LAMA4: variants seen among roughly 807,000 people sequenced by gnomAD.
The protein encoded by LAMA4 is laminin subunit alpha 4.
Under a neutral mutation model 207.1 loss-of-function variants are expected in LAMA4, and 127 were observed. The observed-to-expected ratio is 0.61, with a 90% CI of 0.53 to 0.71. The LOEUF (loss-of-function observed/expected upper bound fraction) is 0.71, where lower values mean the gene tolerates loss of function less well. Among genes scored for constraint, LAMA4 ranks in the 30% least tolerant of loss-of-function variants. The pLI is 0.00. For synonymous variants in LAMA4, 761 were observed against 816.0 expected (o/e 0.93, Z 1.15); for missense variants, 2,093 against 2,246.5 (o/e 0.93, Z 1.38).
chr6:112,162,965 CTTTTTTTTTTTT>C (rs34824903), intron 13 of LAMA4, among the ~76,000 whole-genome samples: 1 of 91,248 alleles, frequency 1.1e-5, no homozygotes, highest in Non-Finnish European at 2.0e-5. Flanking sequence ...CAGCTCAAAT[CTTTTTTTTTTTT>C]TTTTTTTTTT....
Position 112,140,894 on chromosome 6 carries a change from T to C in LAMA4, c.2842A>G (p.Thr948Ala), listed in dbSNP as rs782030944. ...GCTGTGCTACTTAGACTCGGGACTG[T>C]TAAAAACACCTTTCCATGTTTTCCC... is the stretch of plus-strand genomic sequence containing the variant. ...RVGKHGKVFL[T>A]VPSLSSTAEE... The change falls in exon 22 of 39, where the codon ACA (threonine) becomes GCA (alanine). Residue 948 changes from threonine (T) to alanine (A), a missense_variant. By Grantham distance (58) the Thr-to-Ala change is moderately conservative. Transcript: ENST00000230538. 1.2e-6 allele frequency: 2 copies of C among 1,613,852 alleles called. No individual in the cohort carries two copies.
Position 112,172,670 on chromosome 6 carries a change from A to G in LAMA4, c.1492T>C (p.Tyr498His), listed in dbSNP as rs1050348. 1,007,193 of 1,613,178 alleles carry G rather than the reference A, an allele frequency of 0.62. 318,947 individuals carry two copies. Among genetic ancestry groups the G allele is most frequent in the East Asian group, 0.84 (37,797 of 44,850 alleles). The change falls in exon 12 of 39, where the codon TAT (tyrosine) becomes CAT (histidine). Residue 498 changes from tyrosine (Y) to histidine (H), a missense_variant. Tyr to His is a moderately conservative substitution (Grantham distance 83, BLOSUM62 2). Transcript: ENST00000230538. ...LQEALDQALN[Y>H]VRDAEDMNRA... The stretch of plus-strand genomic sequence containing the variant: ...TTCATGTCTTCGGCATCCCTGACAT[A>G]GTTAAGGGCCTGGTCAAGTGCTTCC...
intron 13 of LAMA4, among the ~76,000 whole-genome samples, chr6:112,162,838 C>A (rs1781136849): frequency 6.6e-6 from 1 of 151,912 alleles, no homozygotes; most frequent in African/African-American, 2.4e-5. Context: ...TTCTTTAAAG[C>A]CAAGGGAGTC....
chr6:112,146,822 G>A (rs1219746141), intron 18 of LAMA4, among the ~76,000 whole-genome samples: 1 of 152,040 alleles, frequency 6.6e-6, no homozygotes, highest in African/African-American at 2.4e-5. Flanking sequence ...TTAATACAGA[G>A]GTAAATATTT....
Position 112,116,001 on chromosome 6 carries a change from G to A in LAMA4, c.4982-8C>T, listed in dbSNP as rs2114564746. On this transcript the variant is annotated splice_region_variant and splice_polypyrimidine_tract_variant and intron_variant, in intron 35 of 38. Transcript: ENST00000230538. ...CAATATTGAAAGATTCATCTGTGGAGAGAAACACTATAAACTCCCAAGAAC... is the reference window on the plus strand; with the variant it reads ...CAATATTGAAAGATTCATCTGTGGAAAGAAACACTATAAACTCCCAAGAAC... 1 of 1,611,306 alleles carries A rather than the reference G, an allele frequency of 6.2e-7. No individual in the cohort carries two copies. Among genetic ancestry groups the A allele is most frequent in the Non-Finnish European group, 8.5e-7 (1 of 1,178,032 alleles).
At position 112,118,703 on chromosome 6, in the gene LAMA4, T is replaced by TTG. The variant is rs1157564735; in HGVS notation, c.4821+451_4821+452dup. Among the ~76,000 whole-genome samples the TTG allele has an allele frequency of 2.4e-3, 297 of 124,942 alleles. No individual in the cohort carries two copies. The highest frequency in any genetic ancestry group is 7.0e-3 in the African/African-American group (228 of 32,764). 82.0% of individuals were successfully genotyped at this position (124,942 alleles called of 152,430 possible). On this transcript the variant is annotated intron_variant, in intron 34 of 38. Coordinates refer to ENST00000230538, the MANE Select transcript of LAMA4 (RefSeq NM_001105206.3). The surrounding 1 kb of genome is among the most constrained non-coding windows in gnomAD (Gnocchi z 4.6). Reference sequence around the variant, plus strand: ...CCACATTTCCTTATACATTTACAAATTGTGTGTGTGTGTGTGTATGTGTGT... The same window carrying TTG: ...CCACATTTCCTTATACATTTACAAATTGTGTGTGTGTGTGTGTGTATGTGTGT...
Position 112,254,055 on chromosome 6 carries a change from A to T in LAMA4, c.96T>A (p.Phe32Leu). Residue 32 changes from phenylalanine (F) to leucine (L), a missense_variant, in exon 2 of 39, where the codon TTT (phenylalanine) becomes TTA (leucine). By Grantham distance (22) the Phe-to-Leu change is conservative. Around this residue, in one of 3 missense-constraint regions of LAMA4, gnomAD observed 1,704 missense variants for 1,788.4 expected, o/e 0.95. Coordinates refer to ENST00000230538, the MANE Select transcript of LAMA4 (RefSeq NM_001105206.3). Reference sequence around the variant, plus strand: ...CTGAGCTCCCTTCAATGTCAAAAGGAAAAGCGTTGTCGTCCCCGGACGCGG... The same window carrying T: ...CTGAGCTCCCTTCAATGTCAAAAGGTAAAGCGTTGTCGTCCCCGGACGCGG... ...SRAASGDDNAFPFDIEGSSAV... is the reference protein window; with the variant it reads ...SRAASGDDNALPFDIEGSSAV... 1 of 1,606,362 alleles carries T rather than the reference A, an allele frequency of 6.2e-7. No homozygotes were observed. The highest frequency in any genetic ancestry group is 8.5e-7 in the Non-Finnish European group (1 of 1,176,590).
intron 2 of LAMA4, chr6:112,219,647 T>A (rs1784816675): frequency 6.6e-6 from 1 of 152,176 alleles, no homozygotes; most frequent in Non-Finnish European, 1.5e-5. Flanking sequence ...CTGATCCAAA[T>A]CTTGTTCTTT....
chr6:112,182,785 C>A (rs1782445427), intron 9 of LAMA4, among the ~76,000 whole-genome samples: 1 of 152,124 alleles, frequency 6.6e-6, no homozygotes, highest in Non-Finnish European at 1.5e-5. Context: ...TGCTTGTAGC[C>A]CAGTGACACT....
At chr6:112,178,370 A>G in intron 9 of LAMA4, 138 bp from the exon 10 acceptor site, 1 of 689,760 alleles carries the variant, frequency 1.4e-6, no homozygotes, top group Non-Finnish European at 2.6e-6. Flanking sequence ...AACACATGAA[A>G]TCATCCCAAA....
chr6:112,203,645 C>A (rs1478040492), intron 4 of LAMA4, among the ~76,000 whole-genome samples: 2 of 151,822 alleles, frequency 1.3e-5, no homozygotes, highest in Admixed American at 6.5e-5. Flanking sequence ...TCCTTTTTTG[C>A]AGCCAGTTTC....
At chr6:112,228,181 C>A (rs1554363194) in intron 2 of LAMA4, among the ~76,000 whole-genome samples, 3 of 152,132 alleles carry the variant, frequency 2.0e-5, no homozygotes, top group African/African-American at 2.4e-5. Flanking sequence ...CAAGCTCAGG[C>A]CAAAGGTTGC....
At chr6:112,124,340 C>G (rs1778550457) in intron 31 of LAMA4, among the ~76,000 whole-genome samples, 1 of 152,212 alleles carries the variant, frequency 6.6e-6, no homozygotes, top group African/African-American at 2.4e-5. Flanking sequence ...CCTTGCCTTA[C>G]TCTGCTTCAG....
chr6:112,116,025 A>C lies in LAMA4; in HGVS notation c.4982-32T>G, dbSNP rs781930956. The C allele has an allele frequency of 5.6e-6, 9 of 1,596,894 alleles. No homozygotes were observed. The Admixed American group carries it at 1.5e-4, about 27-fold the overall frequency. ...AGAGAAACACTATAAACTCCCAAGA[A>C]CAGCAAGATCATATTTGTAACTATG... is the stretch of plus-strand genomic sequence containing the variant. On this transcript the variant is annotated intron_variant, in intron 35 of 38. Transcript: ENST00000230538.
At chr6:112,119,791 T>C (rs1376621661) in intron 33 of LAMA4, among the ~76,000 whole-genome samples, 4 of 152,220 alleles carry the variant, frequency 2.6e-5, no homozygotes, top group African/African-American at 9.6e-5. Context: ...GAACAGGCCA[T>C]ATGTTCTCTC....
intron 2 of LAMA4, among the ~76,000 whole-genome samples, chr6:112,245,214 A>T (rs1361230629): frequency 6.6e-6 from 1 of 152,188 alleles, no homozygotes; most frequent in Non-Finnish European, 1.5e-5. Flanking sequence ...TGAAGTTTGA[A>T]AGGCATCCTG....
chr6:112,117,758 T>C lies in LAMA4; in HGVS notation c.4962A>G (p.Glu1654=), dbSNP rs1554324442. 6.2e-7 allele frequency: 1 copy of C among 1,613,640 alleles called. No homozygotes were observed. The highest frequency in any genetic ancestry group is 1.1e-5 in the South Asian group (1 of 91,070). ...TGTTACCTAGAACCACGTATCCTCC[T>C]TCTGTTGAAAAGTAAGTTCCTGTTT... ...PMETGTYFST[E]GGYVVLDESF... The change falls in exon 35 of 39, where the codon GAA becomes GAG. Residue 1654 remains glutamate (E), a synonymous_variant. Coordinates refer to ENST00000230538, the MANE Select transcript of LAMA4 (RefSeq NM_001105206.3). This position sits in a 1 kb window ranked among gnomAD's most constrained non-coding sequence, Gnocchi z 4.5.
chr6:112,130,622 C>G (rs1269229253), intron 29 of LAMA4, among the ~76,000 whole-genome samples: 4 of 152,058 alleles, frequency 2.6e-5, no homozygotes, highest in African/African-American at 9.7e-5. Context: ...CTGTTTGACT[C>G]AAGGTCTAAA....
chr6:112,215,080 G>T (rs1305514391), intron 3 of LAMA4, among the ~76,000 whole-genome samples: 2 of 152,166 alleles, frequency 1.3e-5, no homozygotes, highest in Non-Finnish European at 2.9e-5. Context: ...ATTAGTTCAA[G>T]TGTATCCATG....
Sources: gnomAD v4.1 joint callset for allele counts (sites outside exome capture counted in the v4.1 genomes callset) on GRCh38, gnomAD v4.1.1 for gene constraint, gnomAD v4.1.1 regional missense constraint, Gnocchi (gnomAD v3.1) non-coding constraint, MANE v1.5 for transcripts, NCBI Gene and HGNC (gene_info 2026-07-23, HGNC 2026-07-21) for gene names.